The following WTIP variants were observed in gnomAD, a reference collection of about 807,000 sequenced individuals.
The protein encoded by WTIP is Wilms tumor protein 1-interacting protein.
WTIP carries 23 observed loss-of-function variants against 41.7 expected under a neutral mutation model. The ratio of observed to expected loss-of-function variants is 0.55; its 90% CI spans 0.40 to 0.78. The LOEUF is 0.78. Among genes scored for constraint, WTIP ranks in the 30% least tolerant of loss-of-function variants. The pLI is 0.00. For synonymous variants in WTIP, 314 were observed against 269.9 expected, an observed-to-expected ratio of 1.16 and a Z score of -1.60; for missense variants, 619 against 610.5, an observed-to-expected ratio of 1.01 and a Z score of -0.15.
intron 6 of WTIP, among the ~76,000 whole-genome samples, chr19:34,494,900 G>A (rs2075845007): frequency 6.6e-6 from 1 of 152,248 alleles, no homozygotes; most frequent in Non-Finnish European, 1.5e-5. Flanking sequence ...ATTGATGGAA[G>A]GGCCGTTCCC....
Position 34,481,878 on chromosome 19 carries a change from C to G in WTIP, c.-97C>G. On this transcript the variant is annotated 5_prime_UTR_variant, in exon 1 of 8. Transcript: ENST00000590071. Reference sequence around the variant, plus strand: ...CGCCCCGCGCCCAGGGGTCCCGGGGCGGGCTCCGGGCTTCGGGCGGACGAT... The same window carrying G: ...CGCCCCGCGCCCAGGGGTCCCGGGGGGGGCTCCGGGCTTCGGGCGGACGAT... 2 of 745,966 alleles carry G rather than the reference C, an allele frequency of 2.7e-6. No homozygotes were observed. The highest frequency in any genetic ancestry group is 3.3e-6 in the Non-Finnish European group (2 of 613,098). The allele number at this position is 745,966 out of a possible 1,614,324, so 46.2% of individuals were successfully genotyped here.
At chr19:34,496,491 C>T (rs993147028) in intron 7 of WTIP, among the ~76,000 whole-genome samples, 1 of 152,106 alleles carries the variant, frequency 6.6e-6, no homozygotes, top group African/African-American at 2.4e-5. Context: ...TGGCGTCTAC[C>T]CCATTCTACC....
chr19:34,498,042 G>A (rs999398147), intron 7 of WTIP, among the ~76,000 whole-genome samples: 4 of 152,098 alleles, frequency 2.6e-5, no homozygotes, highest in Non-Finnish European at 5.9e-5. Flanking sequence ...GGTGTGCAGC[G>A]GTCGGTAGCA....
Position 34,490,425 on chromosome 19 carries a change from C to A in WTIP, c.717C>A (p.Cys239Ter), listed in dbSNP as rs1377439211. The A allele has an allele frequency of 6.2e-7, 1 of 1,614,004 alleles. No individual in the cohort carries two copies. The highest frequency in any genetic ancestry group is 1.7e-5 in the Admixed American group (1 of 60,026). ...GCATCTACGGAGCCCAGCAGGCGTG[C>A]CAGGCAATGGGGAGTCTTTATCACA... Reference protein sequence around the residue: ...GLGIYGAQQACQAMGSLYHTD... With the variant: ...GLGIYGAQQA Residue 239 changes from cysteine to a stop codon, truncating the protein, a stop_gained, in exon 2 of 8, where the codon TGC (cysteine) becomes TGA (stop). Transcript: ENST00000590071. LOFTEE classifies it high-confidence loss of function.
In WTIP at chr19:34,493,490, A is replaced by C. The variant is rs775845358; in HGVS notation, c.901-2A>C. ...TGACCCCTCAGTGTGCCCCGCCCAC[A>C]GATCCTGCAGGCCCTGGGCAAGTCC... is the stretch of plus-strand genomic sequence containing the variant. On this transcript the variant is annotated splice_acceptor_variant, in intron 4 of 7. Coordinates refer to ENST00000590071, the MANE Select transcript of WTIP (RefSeq NM_001080436.2). LOFTEE classifies it high-confidence loss of function. This position sits in a 1 kb window ranked among gnomAD's most constrained non-coding sequence, Gnocchi z 4.1. The C allele has an allele frequency of 6.2e-7, 1 of 1,613,334 alleles. No homozygotes were observed. The highest frequency in any genetic ancestry group is 8.5e-7 in the Non-Finnish European group (1 of 1,179,852).
intron 2 of WTIP, among the ~76,000 whole-genome samples, chr19:34,492,312 G>A (rs1300036426): frequency 6.8e-6 from 1 of 148,072 alleles, no homozygotes; most frequent in African/African-American, 2.5e-5. Context: ...ACAGGGTCTT[G>A]CTATGTTGCC....
In WTIP at chr19:34,503,743, A is replaced by C. The variant is rs937305854; in HGVS notation, c.*3474A>C. 3.3e-5 allele frequency: 5 copies of C among 152,526 alleles called. No individual in the cohort carries two copies. The highest frequency in any genetic ancestry group is 1.2e-4 in the African/African-American group (5 of 41,450). 9.4% of individuals were successfully genotyped at this position (152,526 alleles called of 1,614,324 possible). On this transcript the variant is annotated 3_prime_UTR_variant, in exon 8 of 8. Transcript: ENST00000590071. Reference sequence around the variant, plus strand: ...CGCTACTCTCCACCGTGCCTGGATTAGGGCGAGTGCTGAGGCTGGAGCTGA... The same window carrying C: ...CGCTACTCTCCACCGTGCCTGGATTCGGGCGAGTGCTGAGGCTGGAGCTGA...
intron 2 of WTIP, among the ~76,000 whole-genome samples, chr19:34,492,489 TAA>T (rs199526857): frequency 1.4e-5 from 2 of 141,026 alleles, no homozygotes. Flanking sequence ...GACCCTGTCT[TAA>T]AAAAAAAAAT....
Position 34,511,688 on chromosome 19 carries a change from C to T in WTIP, c.*11419C>T, listed in dbSNP as rs2075933723. The T allele has an allele frequency of 6.6e-6, 1 of 151,992 alleles. No individual in the cohort carries two copies. The highest frequency in any genetic ancestry group is 2.4e-5 in the African/African-American group (1 of 41,366). 9.4% of individuals were successfully genotyped at this position (151,992 alleles called of 1,614,324 possible). On this transcript the variant is annotated 3_prime_UTR_variant, in exon 8 of 8. Coordinates refer to ENST00000590071, the MANE Select transcript of WTIP (RefSeq NM_001080436.2). ...CATCCTTACCAACCCTAGGTATTGC[C>T]AATAAGAAAACAAAGTCTGTATCAA...
At position 34,494,628 on chromosome 19, in the gene WTIP, C is replaced by G. The variant is rs1253190335; in HGVS notation, c.1074C>G (p.Leu358=). Residue 358 remains leucine, a synonymous_variant, in exon 6 of 8, where the codon CTC becomes CTG. Coordinates refer to ENST00000590071, the MANE Select transcript of WTIP (RefSeq NM_001080436.2). ...GCGCCTCCTGTGCCCGTCCTATCCT[C>G]CCTGCACAGGTAGGAGCCACTCACC... The part of the protein sequence containing the change: ...PKCASCARPI[L]PAQGCETTIR... 6.2e-7 allele frequency: 1 copy of G among 1,613,512 alleles called. No individual in the cohort carries two copies. The highest frequency in any genetic ancestry group is 8.5e-7 in the Non-Finnish European group (1 of 1,179,742).
At chr19:34,483,917 CTTTTTTTTTTTTTTTT>C (rs61308943) in intron 1 of WTIP, among the ~76,000 whole-genome samples, 6 of 66,844 alleles carry the variant, frequency 9.0e-5, no homozygotes, top group African/African-American at 3.4e-4. Flanking sequence ...TGAACTGGAT[CTTTTTTTTTTTTTTTT>C]TTTTTTTTTT....
rs1230890660 is a variant in WTIP at position 34,500,307 on chromosome 19, G to T, written c.*38G>T. 6.5e-7 allele frequency: 1 copy of T among 1,546,996 alleles called. No homozygotes were observed. Among genetic ancestry groups the T allele is most frequent in the East Asian group, 2.3e-5 (1 of 42,936 alleles). On this transcript the variant is annotated 3_prime_UTR_variant, in exon 8 of 8. Coordinates refer to ENST00000590071, the MANE Select transcript of WTIP (RefSeq NM_001080436.2). ...CCGTCCCTGGGCCGGGGTGGGTGTG[G>T]GTGTGGAGGGAGGGCCCGCGTGGGT...
chr19:34,490,486 C>T lies in WTIP; in HGVS notation c.769+9C>T. ...CACCTGCGACTCGTGTGGTAGGTAA[C>T]CTCGTGCCCTGGGTAGCTCTGTGAA... is the stretch of plus-strand genomic sequence containing the variant. On this transcript the variant is annotated intron_variant, in intron 2 of 7. Coordinates refer to ENST00000590071, the MANE Select transcript of WTIP (RefSeq NM_001080436.2). 1.2e-6 allele frequency: 2 copies of T among 1,613,096 alleles called. No homozygotes were observed. Among genetic ancestry groups the T allele is most frequent in the South Asian group, 1.1e-5 (1 of 91,052 alleles).
chr19:34,482,671 C>A (rs1340163792), intron 1 of WTIP, 30 bp downstream of exon 1: 2 of 1,224,598 alleles, frequency 1.6e-6, no homozygotes. Flanking sequence ...CAGTTCCCTG[C>A]GCGCATGGCT....
At chr19:34,482,754 G>T in intron 1 of WTIP, 113 bp downstream of exon 1, 2 of 1,200,172 alleles carry the variant, frequency 1.7e-6, no homozygotes. Flanking sequence ...CTGGCTGGGG[G>T]TGCAGCAGTG....
chr19:34,490,813 C>T (rs1181296597), intron 2 of WTIP, among the ~76,000 whole-genome samples: 2 of 152,108 alleles, frequency 1.3e-5, no homozygotes, highest in African/African-American at 2.4e-5. Context: ...TTTCTTTTTC[C>T]TGCTATCTAT....
Position 34,482,633 on chromosome 19 carries a change from A to C in WTIP, c.659A>C (p.Asp220Ala). 2 of 1,228,674 alleles carry C rather than the reference A, an allele frequency of 1.6e-6. No individual in the cohort carries two copies. The highest frequency in any genetic ancestry group is 2.0e-6 in the Non-Finnish European group (2 of 986,018). The allele number at this position is 1,228,674 out of a possible 1,614,324, so 76.1% of individuals were successfully genotyped here. The change falls in exon 1 of 8, where the codon GAC becomes GCC. Residue 220 changes from aspartate to alanine, a missense_variant. By Grantham distance (126) the Asp-to-Ala change is moderately radical. This residue lies in a region of WTIP where 164 missense variants were observed against 219.1 expected (regional missense o/e 0.75). Coordinates refer to ENST00000590071, the MANE Select transcript of WTIP (RefSeq NM_001080436.2). ...GCGCTCGAGGCGCGCACGGCGCGGG[A>C]CTACTTCGGTGAGCTCGCTCGGCCC... Reference protein sequence around the residue: ...ERALEARTARDYFGICIKCGL... With the variant: ...ERALEARTARAYFGICIKCGL...
rs1244369417 is a variant in WTIP, at chr19:34,501,446, G to A, written c.*1177G>A. On this transcript the variant is annotated 3_prime_UTR_variant, in exon 8 of 8. Coordinates refer to ENST00000590071, the MANE Select transcript of WTIP (RefSeq NM_001080436.2). ...CCCCGGGACACACTGACGGGAATGT[G>A]GGGTCTGGACATGGGAGGCCCTGGT... The A allele has an allele frequency of 6.6e-6, 1 of 152,324 alleles. No homozygotes were observed. Among genetic ancestry groups the A allele is most frequent in the Non-Finnish European group, 1.5e-5 (1 of 68,120 alleles). 9.4% of individuals were successfully genotyped at this position (152,324 alleles called of 1,614,324 possible).
Position 34,493,479 on chromosome 19 carries a change from G to A in WTIP, c.901-13G>A. ...CCTGCCCGCGCTGACCCCTCAGTGT[G>A]CCCCGCCCACAGATCCTGCAGGCCC... is the stretch of plus-strand genomic sequence containing the variant. On this transcript the variant is annotated splice_polypyrimidine_tract_variant and intron_variant, in intron 4 of 7. Transcript: ENST00000590071. This position sits in a 1 kb window ranked among gnomAD's most constrained non-coding sequence, Gnocchi z 4.1. 6.2e-7 allele frequency: 1 copy of A among 1,613,112 alleles called. No individual in the cohort carries two copies. Among genetic ancestry groups the A allele is most frequent in the East Asian group, 2.2e-5 (1 of 44,868 alleles).
Sources: allele counts gnomAD v4.1 joint callset (sites outside exome capture counted in the v4.1 genomes callset), GRCh38; gene constraint gnomAD v4.1.1; regional missense constraint gnomAD v4.1.1; non-coding constraint Gnocchi (gnomAD v3.1); transcripts MANE v1.5; gene names NCBI Gene and HGNC (gene_info 2026-07-23, HGNC 2026-07-21).